Variants in PRIM2 observed in about 807,000 individuals in gnomAD.
PRIM2 encodes DNA primase subunit 2.
PRIM2 carries 39 observed loss-of-function variants against 67.3 expected under a neutral mutation model. The ratio of observed to expected loss-of-function variants is 0.58; its 90% CI spans 0.45 to 0.76. The LOEUF is 0.76. Ranked by LOEUF, PRIM2 falls within the 30% of genes least tolerant of loss-of-function variation. The probability of loss-of-function intolerance (pLI) is 0.00; values close to 1 mark genes in which losing one functional copy is unlikely to be tolerated. For missense variants in PRIM2, 398 were observed against 598.7 expected, an observed-to-expected ratio of 0.66 and a Z score of 3.50; for synonymous variants, 143 against 198.7, an observed-to-expected ratio of 0.72 and a Z score of 2.36.
chr6:57,554,465 T>A (rs1426383706), intron 10 of PRIM2, among the ~76,000 whole-genome samples: 132 of 150,868 alleles, frequency 8.7e-4, no homozygotes, highest in African/African-American at 3.0e-3. Context: ...CTAGATTTAG[T>A]TTAAGCCTCT....
chr6:57,475,294 A>G (rs1269753045), intron 7 of PRIM2, among the ~76,000 whole-genome samples: 1 of 152,224 alleles, frequency 6.6e-6, no homozygotes, highest in Non-Finnish European at 1.5e-5. Context: ...TTGTGCAACC[A>G]TCACTTCAAT....
chr6:57,393,099 G>A (rs1770410196), intron 7 of PRIM2, among the ~76,000 whole-genome samples: 1 of 149,364 alleles, frequency 6.7e-6, no homozygotes, highest in African/African-American at 2.6e-5. Flanking sequence ...GCAATTGTCA[G>A]TTGTGCTGCT....
chr6:57,322,403 T>C (rs1361215070), intron 3 of PRIM2, among the ~76,000 whole-genome samples: 2 of 152,124 alleles, frequency 1.3e-5, no homozygotes, highest in East Asian at 3.9e-4. Context: ...TGAATTGTAG[T>C]TCCCATAATC....
chr6:57,604,957 T>G (rs1776533173), intron 11 of PRIM2, among the ~76,000 whole-genome samples: 1 of 152,242 alleles, frequency 6.6e-6, no homozygotes, highest in Non-Finnish European at 1.5e-5. Context: ...TCCAAAGTGC[T>G]GGGATTACGG....
At chr6:57,620,794 C>G (rs1165818609) in intron 12 of PRIM2, among the ~76,000 whole-genome samples, 7 of 152,252 alleles carry the variant, frequency 4.6e-5, no homozygotes, top group Admixed American at 4.6e-4. Context: ...CTGCAGAATG[C>G]ATGAGAACTC....
rs371314938 is a variant in PRIM2 at position 57,399,044 on chromosome 6, TA to T, written c.693+16877del. On this transcript the variant is annotated intron_variant, in intron 7 of 13. Transcript: ENST00000615550. Reference sequence around the variant, plus strand: ...TTTATTTATTTAATTATTTTTTATTTATCTATTTTATTATACTTTAGGTTCT... The same window carrying T: ...TTTATTTATTTAATTATTTTTTATTTTCTATTTTATTATACTTTAGGTTCT... 4.7e-4 allele frequency among the ~76,000 whole-genome samples: 72 copies of T among 152,206 alleles called. 2 individuals carry two copies. The East Asian group carries it at 0.012, about 25-fold the overall frequency.
the PRIM2 span, among the ~76,000 whole-genome samples, chr6:57,251,081 TG>T: frequency 6.6e-6 from 1 of 152,162 alleles, no homozygotes; most frequent in Non-Finnish European, 1.5e-5. Flanking sequence ...CTCCCAGCCA[TG>T]TCTTCTTTTC....
At chr6:57,262,315 C>T in the PRIM2 span, among the ~76,000 whole-genome samples, 1 of 152,126 alleles carries the variant, frequency 6.6e-6, no homozygotes, top group Non-Finnish European at 1.5e-5. Context: ...CCTCATCTGC[C>T]AGTTGTCTTT....
At chr6:57,281,514 T>A in the PRIM2 span, among the ~76,000 whole-genome samples, 3 of 152,272 alleles carry the variant, frequency 2.0e-5, no homozygotes, top group South Asian at 6.2e-4. Context: ...TTTACCTCTA[T>A]CATATTTTCA....
intron 9 of PRIM2, among the ~76,000 whole-genome samples, chr6:57,534,383 A>G (rs1300922938): frequency 6.6e-6 from 1 of 151,958 alleles, no homozygotes; most frequent in African/African-American, 2.4e-5. Flanking sequence ...TATTGTTGTT[A>G]TTGTTCTTGG....
intron 7 of PRIM2, among the ~76,000 whole-genome samples, chr6:57,439,107 A>G (rs1772110371): frequency 6.6e-6 from 1 of 152,090 alleles, no homozygotes; most frequent in Non-Finnish European, 1.5e-5. Flanking sequence ...ACTTGGATTT[A>G]TTACATTGTT....
intron 7 of PRIM2, among the ~76,000 whole-genome samples, chr6:57,448,039 A>T (rs1420977040): frequency 6.6e-6 from 1 of 152,202 alleles, no homozygotes; most frequent in Non-Finnish European, 1.5e-5. Context: ...AAATAACCAA[A>T]TCAACACTCA....
the PRIM2 span, among the ~76,000 whole-genome samples, chr6:57,277,583 G>A: frequency 1.0e-3 from 151 of 151,550 alleles, 1 homozygote; most frequent in African/African-American, 3.6e-3. Flanking sequence ...AGCAGAAGCC[G>A]GGGGGTGGTA....
the PRIM2 span, among the ~76,000 whole-genome samples, chr6:57,278,582 G>A: frequency 1.3e-5 from 2 of 152,000 alleles, no homozygotes; most frequent in Non-Finnish European, 2.9e-5. Flanking sequence ...GCTATGTCCC[G>A]AAATGTCTTA....
intron 7 of PRIM2, among the ~76,000 whole-genome samples, chr6:57,416,693 G>C (rs1771274657): frequency 6.6e-6 from 1 of 152,140 alleles, no homozygotes; most frequent in African/African-American, 2.4e-5. Flanking sequence ...AGATATTCTG[G>C]ATAACTTGCT....
intron 8 of PRIM2, among the ~76,000 whole-genome samples, chr6:57,524,781 A>G (rs1774711309): frequency 6.6e-6 from 1 of 152,178 alleles, no homozygotes; most frequent in African/African-American, 2.4e-5. Context: ...ATTTAAGACC[A>G]TCGCCTCAAA....
At chr6:57,555,569 C>T (rs1379304987) in intron 10 of PRIM2, among the ~76,000 whole-genome samples, 6 of 152,164 alleles carry the variant, frequency 3.9e-5, no homozygotes, top group Non-Finnish European at 5.9e-5. Flanking sequence ...CGTGAGCCAC[C>T]GTGCCTGGCC....
the PRIM2 span, among the ~76,000 whole-genome samples, chr6:57,309,639 T>A: frequency 6.6e-6 from 1 of 152,166 alleles, no homozygotes; most frequent in African/African-American, 2.4e-5. Flanking sequence ...TGTGCATGTG[T>A]CTTTACAGCA....
At chr6:57,335,917 C>T (rs188166097) in intron 5 of PRIM2, among the ~76,000 whole-genome samples, 240 of 152,074 alleles carry the variant, frequency 1.6e-3, no homozygotes, top group Middle Eastern at 3.4e-3. Flanking sequence ...CTCCGAGCTA[C>T]GGGAGGACAT....
Sources: allele counts gnomAD v4.1 joint callset (sites outside exome capture counted in the v4.1 genomes callset), GRCh38; gene constraint gnomAD v4.1.1; transcripts MANE v1.5; gene names NCBI Gene and HGNC (gene_info 2026-07-23, HGNC 2026-07-21).